The following COL6A5 variants were observed in gnomAD, a reference collection of about 807,000 sequenced individuals.
The protein encoded by COL6A5 is collagen alpha-5(VI) chain.
COL6A5 carries 48 observed loss-of-function variants against 65.6 expected under a neutral mutation model. The observed-to-expected ratio is 0.73, with a 90% confidence interval of 0.58 to 0.93. The LOEUF is 0.93. COL6A5 is among the 40% of genes least tolerant of loss of function. The pLI, the probability that COL6A5 is intolerant of heterozygous loss-of-function variation, is 0.00. For synonymous variants in COL6A5, 291 were observed against 322.8 expected, an observed-to-expected ratio of 0.90 and a Z score of 1.05; for missense variants, 914 against 928.3, an observed-to-expected ratio of 0.98 and a Z score of 0.20.
chr3:130,412,981 C>T (rs564743014), intron 20 of COL6A5, among the ~76,000 whole-genome samples: 1 of 152,228 alleles, frequency 6.6e-6, no homozygotes, highest in African/African-American at 2.4e-5. Flanking sequence ...AATTGGTGGT[C>T]GAGATGTTCC....
chr3:130,387,446 A>G (rs1936231819), intron 5 of COL6A5, among the ~76,000 whole-genome samples: 1 of 152,110 alleles, frequency 6.6e-6, no homozygotes, highest in African/African-American at 2.4e-5. Flanking sequence ...TATGTGTTAC[A>G]TGGAAGAGAA....
At chr3:130,403,792 G>A in intron 13 of COL6A5, 130 bp downstream of exon 13, 1 of 558,000 alleles carries the variant, frequency 1.8e-6, no homozygotes, top group Non-Finnish European at 2.9e-6. Context: ...GGTAGATGGG[G>A]TTTTGTTTAT....
At chr3:130,432,078 G>A in intron 1 of COL6A5, 129 bp downstream of exon 33, 1 of 926,954 alleles carries the variant, frequency 1.1e-6, no homozygotes, top group Non-Finnish European at 1.6e-6. Context: ...AGTTTTCACA[G>A]CTATATTGTT....
upstream of COL6A5, among the ~76,000 whole-genome samples, chr3:130,428,352 C>T (rs1283886609): frequency 2.6e-5 from 4 of 152,000 alleles, no homozygotes; most frequent in Non-Finnish European, 4.4e-5. Flanking sequence ...CCAGTAGCAG[C>T]TCTGTGACAT....
exon 16 of COL6A5, chr3:130,406,148 T>C: frequency 7.7e-6 from 12 of 1,550,246 alleles, no homozygotes; most frequent in Non-Finnish European, 9.6e-6. Context: ...ATGGAGACGA[T>C]GGGATTGATG....
intron 1 of COL6A5, among the ~76,000 whole-genome samples, chr3:130,349,086 A>T (rs1184672559): frequency 6.6e-6 from 1 of 152,154 alleles, no homozygotes; most frequent in African/African-American, 2.4e-5. Flanking sequence ...TCATCCATCA[A>T]GCCACTCTTT....
chr3:130,397,391 G>GTGTATATGTATATATATGATATA (rs1936639063), intron 8 of COL6A5, among the ~76,000 whole-genome samples, 192 bp from the exon 9 acceptor site: 2 of 151,852 alleles, frequency 1.3e-5, no homozygotes, highest in African/African-American at 2.4e-5. Context: ...ACATATATAT[G>GTGTATATGTATATATATGATATA]TGTATATGTA....
intron 7 of COL6A5, among the ~76,000 whole-genome samples, chr3:130,394,390 T>C (rs1018258228): frequency 6.6e-6 from 1 of 152,214 alleles, no homozygotes; most frequent in African/African-American, 2.4e-5. Flanking sequence ...GAATAATTAG[T>C]CATAAGGTGG....
chr3:130,405,364 G>T (rs1936950067), intron 13 of COL6A5, among the ~76,000 whole-genome samples: 1 of 152,128 alleles, frequency 6.6e-6, no homozygotes, highest in South Asian at 2.1e-4. Context: ...GTGATCTTGG[G>T]TCTATAAAAA....
chr3:130,365,653 C>A (rs1935309255), intron 1 of COL6A5, among the ~76,000 whole-genome samples: 1 of 152,162 alleles, frequency 6.6e-6, no homozygotes, highest in Non-Finnish European at 1.5e-5. Context: ...CCACAACTTA[C>A]AGATAAAGAC....
rs1231349065 is a variant in COL6A5 at position 130,384,795 on chromosome 3, C to CT, written c.1301-4dup. 12 of 1,520,930 alleles carry CT rather than the reference C, an allele frequency of 7.9e-6. No homozygotes were observed. In the East Asian group the frequency reaches 2.7e-4, roughly 34 times the overall value. 94.2% of individuals were successfully genotyped at this position (1,520,930 alleles called of 1,614,324 possible). ...TCTCTAATTTACAGAGAATGCACTT[C>CT]TTTTTCAGGCTGTGTGGATACAAAA... On this transcript the variant is annotated splice_polypyrimidine_tract_variant and intron_variant and NMD_transcript_variant, in intron 4 of 41. Coordinates refer to the COL6A5 transcript ENST00000312481.
intron 3 of COL6A5, 90 bp downstream of exon 3, chr3:130,376,926 C>T: frequency 7.5e-7 from 1 of 1,339,224 alleles, no homozygotes; most frequent in Non-Finnish European, 9.9e-7. Flanking sequence ...GTTAGGTTTT[C>T]ATGATTAGCC....
At chr3:130,413,249 C>A (rs1937233721) in intron 20 of COL6A5, among the ~76,000 whole-genome samples, 1 of 152,008 alleles carries the variant, frequency 6.6e-6, no homozygotes, top group Non-Finnish European at 1.5e-5. Context: ...ATACAGGAGA[C>A]AGGATCTTCA....
At chr3:130,418,121 C>A (rs557597417) in intron 24 of COL6A5, among the ~76,000 whole-genome samples, 245 of 152,136 alleles carry the variant, frequency 1.6e-3, no homozygotes, top group Non-Finnish European at 3.1e-3. Context: ...CTGTGGCAAT[C>A]ATTATACAAC....
rs763749797 is a variant in COL6A5 at position 130,431,729 on chromosome 3, C to A, written c.269C>A (p.Thr90Lys). ...TCCCAAATAAAATATCAAGACACCA[C>A]AGAGCCCCGAGATGTTGGTAATGCA... Residue 90 changes from threonine (T) to lysine (K), a missense_variant, in exon 1 of 8, where the codon ACA becomes AAA. Thr to Lys is a moderately conservative substitution (Grantham distance 78). Coordinates refer to ENST00000512836, the Ensembl canonical transcript of COL6A5. The A allele has an allele frequency of 1.2e-5, 19 of 1,551,508 alleles. No homozygotes were observed. The Admixed American group carries it at 2.9e-4, about 24-fold the overall frequency.
At chr3:130,390,060 G>GGT (rs1323211211) in intron 6 of COL6A5, among the ~76,000 whole-genome samples, 9 of 152,096 alleles carry the variant, frequency 5.9e-5, no homozygotes, top group Non-Finnish European at 1.0e-4. Context: ...AAGTTTCCTT[G>GGT]GTAACAGCTT....
chr3:130,415,667 G>T, exon 23 of COL6A5: 1 of 1,548,852 alleles, frequency 6.5e-7, no homozygotes, highest in Non-Finnish European at 8.7e-7. Context: ...AATCCTGGCA[G>T]AAAAGGAGAA....
At chr3:130,382,935 A>G (rs1184983928) in intron 4 of COL6A5, among the ~76,000 whole-genome samples, 2 of 152,116 alleles carry the variant, frequency 1.3e-5, no homozygotes, top group East Asian at 3.9e-4. Flanking sequence ...CCCTATAGAT[A>G]TGCCAAATTA....
intron 1 of COL6A5, among the ~76,000 whole-genome samples, chr3:130,371,882 G>A (rs1218465082): frequency 2.0e-5 from 3 of 152,086 alleles, no homozygotes; most frequent in African/African-American, 7.2e-5. Flanking sequence ...TTTAAAAAGT[G>A]AAAATACAAC....
Sources: gnomAD v4.1 joint callset for allele counts (sites outside exome capture counted in the v4.1 genomes callset) on GRCh38, gnomAD v4.1.1 for gene constraint, MANE v1.5 for transcripts, NCBI Gene and HGNC (gene_info 2026-07-23, HGNC 2026-07-21) for gene names.